TJP1: variants seen among roughly 807,000 people sequenced by gnomAD.
TJP1 encodes tight junction protein 1.
Under a neutral mutation model 194.2 loss-of-function variants are expected in TJP1, and 43 were observed. That is an observed-to-expected ratio of 0.22 (90% CI 0.17 to 0.29). The LOEUF is 0.29. Among genes scored for constraint, TJP1 ranks in the 10% least tolerant of loss-of-function variants. The pLI is 1.00. For missense variants in TJP1, 1,971 were observed against 2,185.7 expected (o/e 0.90, Z 1.96); for synonymous variants, 801 against 779.0 (o/e 1.03, Z -0.47).
chr15:29,747,604 T>C (rs2044889381), intron 8 of TJP1, among the ~76,000 whole-genome samples: 2 of 152,248 alleles, frequency 1.3e-5, no homozygotes, highest in Admixed American at 1.3e-4. Flanking sequence ...AGATTTCTAT[T>C]GCTCTGTACA....
intron 2 of TJP1, among the ~76,000 whole-genome samples, chr15:29,781,414 A>G (rs2047364314): frequency 6.6e-6 from 1 of 152,196 alleles, no homozygotes; most frequent in African/African-American, 2.4e-5. Flanking sequence ...AACAATTTCT[A>G]CTGAAACTAT....
rs1007021907 is a variant in TJP1 at position 29,963,008 on chromosome 15, G to A, written c.173+5659C>T. On this transcript the variant is annotated intron_variant, in intron 1 of 28. Transcript: ENST00000356107. Reference sequence around the variant, plus strand: ...TATAAAAAATTAGCCAGGTGTGGTGGTGGGCACCTGTAATCCCAGCTACTT... The same window carrying A: ...TATAAAAAATTAGCCAGGTGTGGTGATGGGCACCTGTAATCCCAGCTACTT... Among the ~76,000 whole-genome samples the A allele has an allele frequency of 5.9e-5, 9 of 152,272 alleles. No individual in the cohort carries two copies. The South Asian group carries it at 1.4e-3, about 25-fold the overall frequency.
chr15:29,875,383 T>C (rs930723144), intron 2 of TJP1, among the ~76,000 whole-genome samples: 15 of 152,282 alleles, frequency 9.9e-5, no homozygotes, highest in Admixed American at 9.2e-4. Context: ...CCATTGAAAA[T>C]TACAGCCGGC....
At chr15:29,951,506 A>G (rs1262466761) in intron 2 of TJP1, among the ~76,000 whole-genome samples, 4 of 152,154 alleles carry the variant, frequency 2.6e-5, no homozygotes, top group Non-Finnish European at 5.9e-5. Context: ...GTGTCTTTTC[A>G]AATCGAAAAA....
chr15:29,849,781 T>C (rs2051569481), intron 2 of TJP1, among the ~76,000 whole-genome samples: 1 of 151,248 alleles, frequency 6.6e-6, no homozygotes, highest in African/African-American at 2.4e-5. Context: ...TCTCATATTG[T>C]CCAGGCTGGT....
chr15:29,786,253 T>G (rs895107643), intron 2 of TJP1, among the ~76,000 whole-genome samples: 1 of 152,150 alleles, frequency 6.6e-6, no homozygotes, highest in Admixed American at 6.5e-5. Flanking sequence ...AAATCATAGT[T>G]TTCATTTCTC....
intron 2 of TJP1, among the ~76,000 whole-genome samples, chr15:29,875,771 G>A (rs2052676690): frequency 6.6e-6 from 1 of 151,984 alleles, no homozygotes; most frequent in African/African-American, 2.4e-5. Context: ...TCACCATGTT[G>A]GCCAGGCTGG....
At position 29,916,749 on chromosome 15, in the gene TJP1, C is replaced by A. The variant is rs1431215956; in HGVS notation, c.306+39483G>T. On this transcript the variant is annotated intron_variant, in intron 2 of 28. Coordinates refer to the TJP1 transcript ENST00000356107. ...TCCCACATTTATAGAGCAAATGTAC[C>A]TAAATGTTAATATATGTTCATCATA... Among the ~76,000 whole-genome samples, 2 of 152,066 alleles carry A rather than the reference C, an allele frequency of 1.3e-5. 1 individual carries two copies. Among genetic ancestry groups the A allele is most frequent in the South Asian group, 4.2e-4 (2 of 4,810 alleles).
intron 2 of TJP1, among the ~76,000 whole-genome samples, chr15:29,953,304 G>C (rs963983231): frequency 2.0e-5 from 3 of 151,966 alleles, no homozygotes; most frequent in African/African-American, 7.2e-5. Context: ...ACCACGCCCA[G>C]CTAATTTTTG....
chr15:29,940,498 T>C (rs1439958694), intron 2 of TJP1, among the ~76,000 whole-genome samples: 1 of 152,250 alleles, frequency 6.6e-6, no homozygotes, highest in African/African-American at 2.4e-5. Context: ...TGCTTTCATT[T>C]AGACTTTTGG....
intron 8 of TJP1, among the ~76,000 whole-genome samples, chr15:29,749,523 A>C (rs1233305701): frequency 6.6e-6 from 1 of 152,098 alleles, no homozygotes; most frequent in Non-Finnish European, 1.5e-5. Context: ...GTAGGAGAGA[A>C]GGTGCATCCC....
Position 29,781,117 on chromosome 15 carries a change from A to C in TJP1, c.85-7760T>G, listed in dbSNP as rs369192714. ...CTAGACAAAGAAGAGAGAAGATCCAAATAAACACAATTAGGACAAAGGGGA... is the reference window on the plus strand; with the variant it reads ...CTAGACAAAGAAGAGAGAAGATCCACATAAACACAATTAGGACAAAGGGGA... On this transcript the variant is annotated intron_variant, in intron 2 of 27. Transcript: ENST00000614355. Among the ~76,000 whole-genome samples, 38 of 152,268 alleles carry C rather than the reference A, an allele frequency of 2.5e-4. No homozygotes were observed. The East Asian group carries it at 7.3e-3, about 29-fold the overall frequency.
chr15:29,731,089 T>G, intron 15 of TJP1: 1 of 729,436 alleles, frequency 1.4e-6, no homozygotes, highest in Non-Finnish European at 2.4e-6. Context: ...CTTTTTTTTT[T>G]TTTTTTTTAA....
chr15:29,798,808 A>G (rs45474401), intron 2 of TJP1, among the ~76,000 whole-genome samples: 12,176 of 152,268 alleles, frequency 0.08, 525 homozygotes, highest in African/African-American at 0.086. Flanking sequence ...CATTCATACA[A>G]TGAAATGCTA....
rs2052949134 is a variant in TJP1, at chr15:29,881,956, G to GAT, written c.306+74274_306+74275dup. Reference sequence around the variant, plus strand: ...AAAGATATATATATAGATATATATAGATATATATATTTTTAGTTATTGAGT... The same window carrying GAT: ...AAAGATATATATATAGATATATATAGATATATATATATTTTTAGTTATTGAGT... On this transcript the variant is annotated intron_variant, in intron 2 of 28. Coordinates refer to the TJP1 transcript ENST00000356107. 2.6e-5 allele frequency among the ~76,000 whole-genome samples: 4 copies of GAT among 151,056 alleles called. No individual in the cohort carries two copies. The South Asian group carries it at 6.2e-4, about 24-fold the overall frequency.
At chr15:29,837,194 T>G (rs1031228940) in intron 2 of TJP1, among the ~76,000 whole-genome samples, 19 of 152,218 alleles carry the variant, frequency 1.2e-4, no homozygotes, top group Non-Finnish European at 2.4e-4. Context: ...TGATAGTAAT[T>G]AATAGTAGAA....
rs145835075 is a variant in TJP1, at chr15:29,892,956, C to T, written c.306+63276G>A. ...AAAAATACATTTTATGAGGCTATAGCTGCCATACATAGTGATTTCTCTGAT... is the reference window on the plus strand; with the variant it reads ...AAAAATACATTTTATGAGGCTATAGTTGCCATACATAGTGATTTCTCTGAT... On this transcript the variant is annotated intron_variant, in intron 2 of 28. Transcript: ENST00000356107. 5.3e-5 allele frequency among the ~76,000 whole-genome samples: 8 copies of T among 152,306 alleles called. No homozygotes were observed. In the South Asian group the frequency reaches 1.7e-3, roughly 32 times the overall value.
chr15:29,722,062 G>A (rs995868723), intron 18 of TJP1, among the ~76,000 whole-genome samples: 9 of 152,214 alleles, frequency 5.9e-5, no homozygotes, highest in Non-Finnish European at 8.8e-5. Flanking sequence ...GTGAAGCAGA[G>A]CATAAAAGTT....
In TJP1 at chr15:29,719,840, C is replaced by T; in HGVS notation, c.2940G>A (p.Glu980=). ...QADSLRTPST[E]AAHIMLRDQE... ...GATCTCTTAGCATTATGTGAGCTGC[C>T]TCAGTACTTGGTGTTCTTAAAGAAT... The change falls in exon 20 of 28, where the codon GAG becomes GAA. Residue 980 remains glutamate, a synonymous_variant. Transcript: ENST00000614355. The T allele has an allele frequency of 6.2e-7, 1 of 1,614,154 alleles. No individual in the cohort carries two copies. The highest frequency in any genetic ancestry group is 8.5e-7 in the Non-Finnish European group (1 of 1,180,020).
Sources: allele counts gnomAD v4.1 joint callset (sites outside exome capture counted in the v4.1 genomes callset), GRCh38; gene constraint gnomAD v4.1.1; transcripts MANE v1.5; gene names NCBI Gene and HGNC (gene_info 2026-07-23, HGNC 2026-07-21).